Variants in SAMD12 observed in about 807,000 individuals in gnomAD.
SAMD12 encodes sterile alpha motif domain containing 12.
Under a neutral mutation model 15.0 loss-of-function variants are expected in SAMD12, and 9 were observed. That is an observed-to-expected ratio of 0.60 (90% CI 0.36 to 1.05). The LOEUF is 1.05. SAMD12 is among the 50% of genes least tolerant of loss of function. The pLI, the probability that SAMD12 is intolerant of heterozygous loss-of-function variation, is 0.01. For synonymous variants in SAMD12, 86 were observed against 90.1 expected, an observed-to-expected ratio of 0.96 and a Z score of 0.25; for missense variants, 230 against 234.2, an observed-to-expected ratio of 0.98 and a Z score of 0.12.
chr8:118,317,251 T>C (rs188395282), intron 4 of SAMD12, among the ~76,000 whole-genome samples: 7 of 152,288 alleles, frequency 4.6e-5, no homozygotes, highest in Admixed American at 1.3e-4. Context: ...CCAAGCAAAT[T>C]AGTATTAATA....
chr8:118,329,976 G>A (rs1816740163), intron 4 of SAMD12, among the ~76,000 whole-genome samples: 3 of 152,136 alleles, frequency 2.0e-5, no homozygotes, highest in African/African-American at 7.2e-5. Flanking sequence ...GGTAAGGGCA[G>A]TTTGTAGGAG....
chr8:118,562,639 C>T (rs372656813), intron 2 of SAMD12, among the ~76,000 whole-genome samples: 5 of 152,150 alleles, frequency 3.3e-5, no homozygotes, highest in African/African-American at 9.7e-5. Context: ...GTTGACTTTA[C>T]GGACTACAGT....
At chr8:118,305,294 TG>T (rs1815282644) in intron 4 of SAMD12, among the ~76,000 whole-genome samples, 1 of 152,048 alleles carries the variant, frequency 6.6e-6, no homozygotes, top group Non-Finnish European at 1.5e-5. Flanking sequence ...TATTCTCCAT[TG>T]CTCCCTAATC....
At chr8:118,543,220 G>A (rs1826032796) in intron 2 of SAMD12, among the ~76,000 whole-genome samples, 1 of 152,108 alleles carries the variant, frequency 6.6e-6, no homozygotes, top group Non-Finnish European at 1.5e-5. Context: ...CCGCCTCACT[G>A]TGGACATTCC....
chr8:118,533,609 T>C (rs1379343572), intron 2 of SAMD12, among the ~76,000 whole-genome samples: 2 of 152,256 alleles, frequency 1.3e-5, no homozygotes, highest in East Asian at 3.8e-4. Context: ...ACTTGCTTTA[T>C]GAATCTGGGT....
chr8:118,334,744 C>T (rs1816976359), intron 4 of SAMD12, among the ~76,000 whole-genome samples: 1 of 152,126 alleles, frequency 6.6e-6, no homozygotes, highest in South Asian at 2.1e-4. Context: ...TACTGTCATG[C>T]ACCACCATAC....
intron 4 of SAMD12, among the ~76,000 whole-genome samples, chr8:118,342,873 TATAGTCAGGATGGTGCC>T (rs1817442477): frequency 6.6e-6 from 1 of 152,198 alleles, no homozygotes; most frequent in Non-Finnish European, 1.5e-5. Flanking sequence ...TGGGCACAGC[TATAGTCAGGATGGTGCC>T]TCCTTTGAGG....
chr8:118,482,736 C>T (rs765215542), intron 2 of SAMD12, among the ~76,000 whole-genome samples: 13 of 152,136 alleles, frequency 8.5e-5, no homozygotes, highest in East Asian at 1.9e-4. Context: ...GATGACTGTA[C>T]GTATTTTATT....
In SAMD12 at chr8:118,415,448, GGTGTGTGTGTGT is replaced by G. The variant is rs58176749; in HGVS notation, c.322+24372_322+24383del. ...AAGTAAATAAATAACCTTGTCCTAA[GGTGTGTGTGTGT>G]GTGTGTGTGTGTGTGTGTGTGTGTG... is the stretch of plus-strand genomic sequence containing the variant. On this transcript the variant is annotated intron_variant, in intron 3 of 3. Transcript: ENST00000314727. Among the ~76,000 whole-genome samples, 414 of 142,946 alleles carry G rather than the reference GGTGTGTGTGTGT, an allele frequency of 2.9e-3. 3 individuals carry two copies. The highest frequency in any genetic ancestry group is 9.3e-3 in the African/African-American group (361 of 38,764). 93.8% of individuals were successfully genotyped at this position (142,946 alleles called of 152,430 possible).
At chr8:118,520,285 A>C (rs1267487962) in intron 2 of SAMD12, among the ~76,000 whole-genome samples, 1 of 152,208 alleles carries the variant, frequency 6.6e-6, no homozygotes, top group Non-Finnish European at 1.5e-5. Flanking sequence ...CAGAAAATAC[A>C]GTCAATTTAA....
intron 4 of SAMD12, among the ~76,000 whole-genome samples, chr8:118,242,370 GTAGT>G (rs1812592436): frequency 1.3e-5 from 2 of 152,260 alleles, no homozygotes; most frequent in African/African-American, 2.4e-5. Flanking sequence ...ACAAATACCA[GTAGT>G]TAGTCTCCCA....
At chr8:118,258,777 T>G (rs1007059415) in intron 4 of SAMD12, among the ~76,000 whole-genome samples, 1 of 152,110 alleles carries the variant, frequency 6.6e-6, no homozygotes, top group East Asian at 1.9e-4. Flanking sequence ...AAAGTCGATA[T>G]AGGTAACACC....
At chr8:118,183,958 A>C in the SAMD12 span, among the ~76,000 whole-genome samples, 1 of 152,216 alleles carries the variant, frequency 6.6e-6, no homozygotes, top group Admixed American at 6.5e-5. Flanking sequence ...CTTCACTTAG[A>C]ATAATGGCCT....
chr8:118,199,723 T>C (rs542649895), intron 4 of SAMD12, among the ~76,000 whole-genome samples: 1 of 152,290 alleles, frequency 6.6e-6, no homozygotes, highest in African/African-American at 2.4e-5. Context: ...CTTATAACCA[T>C]GGATGTAAGT....
At chr8:118,177,429 A>G in the SAMD12 span, among the ~76,000 whole-genome samples, 6 of 151,916 alleles carry the variant, frequency 3.9e-5, no homozygotes, top group Non-Finnish European at 5.9e-5. Flanking sequence ...TCTTTTGTAG[A>G]GACAGGGTCT....
chr8:118,533,837 T>C (rs1825759117), intron 2 of SAMD12, among the ~76,000 whole-genome samples: 1 of 152,124 alleles, frequency 6.6e-6, no homozygotes, highest in African/African-American at 2.4e-5. Context: ...TATGCGTGTC[T>C]CTGCATGTGA....
At chr8:118,158,752 C>A in the SAMD12 span, among the ~76,000 whole-genome samples, 1 of 152,128 alleles carries the variant, frequency 6.6e-6, no homozygotes, top group African/African-American at 2.4e-5. Context: ...CCCTCCGGAG[C>A]CCATAAAACC....
At chr8:118,330,562 A>G (rs1378417618) in intron 4 of SAMD12, among the ~76,000 whole-genome samples, 2 of 152,248 alleles carry the variant, frequency 1.3e-5, no homozygotes, top group East Asian at 3.8e-4. Context: ...GAAGAGACTG[A>G]TCACAAGAGA....
intron 4 of SAMD12, among the ~76,000 whole-genome samples, chr8:118,348,349 G>T (rs554466101): frequency 2.4e-4 from 37 of 152,070 alleles, no homozygotes; most frequent in African/African-American, 8.9e-4. Context: ...GGTTACGGGC[G>T]TGAGCCACTG....
Sources: allele counts gnomAD v4.1 joint callset (sites outside exome capture counted in the v4.1 genomes callset), GRCh38; gene constraint gnomAD v4.1.1; transcripts MANE v1.5; gene names NCBI Gene and HGNC (gene_info 2026-07-23, HGNC 2026-07-21).